The following POU2F1 variants were observed in gnomAD, a reference collection of about 807,000 sequenced individuals.
POU2F1 encodes POU class 2 homeobox 1, also known as POU domain, class 2, transcription factor 1.
A neutral mutation model predicts 84.9 loss-of-function variants in POU2F1; 16 were observed. The observed-to-expected ratio is 0.19, with a 90% confidence interval of 0.13 to 0.29. POU2F1 has a LOEUF of 0.29. POU2F1 is among the 10% of genes least tolerant of loss of function. The pLI is 1.00. For synonymous variants in POU2F1, 368 were observed against 368.3 expected (o/e 1.00, Z 0.01); for missense variants, 738 against 942.6 (o/e 0.78, Z 2.84).
chr1:167,341,760 C>T (rs180876784), intron 2 of POU2F1, among the ~76,000 whole-genome samples: 1 of 152,336 alleles, frequency 6.6e-6, no homozygotes, highest in East Asian at 1.9e-4. Context: ...CAGTGATCCT[C>T]TTGGTACCCA....
At position 167,319,750 on chromosome 1, in the gene POU2F1, G is replaced by T. The variant is rs547000542; in HGVS notation, c.62-12720G>T. Reference sequence around the variant, plus strand: ...AGTGAGAAAATGTATCTACACATACGTGCACATAAGCTAGTCTCCCAAACG... The same window carrying T: ...AGTGAGAAAATGTATCTACACATACTTGCACATAAGCTAGTCTCCCAAACG... On this transcript the variant is annotated intron_variant, in intron 1 of 15. Transcript: ENST00000367866. 6.6e-5 allele frequency among the ~76,000 whole-genome samples: 10 copies of T among 152,034 alleles called. No homozygotes were observed. In the East Asian group the frequency reaches 7.8e-4, roughly 12 times the overall value.
intron 1 of POU2F1, among the ~76,000 whole-genome samples, chr1:167,321,618 A>T (rs1656316847): frequency 1.3e-5 from 2 of 152,160 alleles, no homozygotes; most frequent in African/African-American, 4.8e-5. Context: ...TAAAGCCTCC[A>T]GTTTCTCTTT....
intron 1 of POU2F1, among the ~76,000 whole-genome samples, chr1:167,323,159 A>G (rs180873781): frequency 2.0e-5 from 3 of 152,364 alleles, no homozygotes; most frequent in East Asian, 3.9e-4. Context: ...GATTGAAATC[A>G]GTGACTTGGC....
chr1:167,339,653 T>G (rs1366488932), intron 2 of POU2F1, among the ~76,000 whole-genome samples: 2 of 152,236 alleles, frequency 1.3e-5, no homozygotes, highest in Non-Finnish European at 2.9e-5. Context: ...CACAGTACTT[T>G]CTAGTGTTAT....
At chr1:167,233,198 C>A (rs965020636) in intron 1 of POU2F1, among the ~76,000 whole-genome samples, 1 of 149,918 alleles carries the variant, frequency 6.7e-6, no homozygotes, top group Non-Finnish European at 1.5e-5. Context: ...TGCAGTGGTG[C>A]AGTCACAGCT....
chr1:167,264,824 G>A (rs561607746), intron 1 of POU2F1, among the ~76,000 whole-genome samples: 39 of 152,146 alleles, frequency 2.6e-4, no homozygotes, highest in African/African-American at 8.9e-4. Context: ...AAATGTTAGA[G>A]CATGTCTCTC....
At chr1:167,238,484 G>A (rs912923582) in intron 1 of POU2F1, among the ~76,000 whole-genome samples, 1 of 152,082 alleles carries the variant, frequency 6.6e-6, no homozygotes, top group Non-Finnish European at 1.5e-5. Context: ...AGGACCCTAT[G>A]TAATGTAATA....
At chr1:167,295,611 A>C (rs1654240613) in intron 1 of POU2F1, among the ~76,000 whole-genome samples, 1 of 152,220 alleles carries the variant, frequency 6.6e-6, no homozygotes, top group Non-Finnish European at 1.5e-5. Flanking sequence ...CTCAGAATTC[A>C]CCACTATATA....
chr1:167,291,081 G>A (rs1653894353), intron 1 of POU2F1, among the ~76,000 whole-genome samples: 1 of 149,126 alleles, frequency 6.7e-6, no homozygotes, highest in Non-Finnish European at 1.5e-5. Context: ...TCATAAAATT[G>A]TTGGAAAATA....
At chr1:167,320,885 T>C (rs941456868) in intron 1 of POU2F1, among the ~76,000 whole-genome samples, 8 of 152,332 alleles carry the variant, frequency 5.3e-5, no homozygotes, top group Admixed American at 5.2e-4. Flanking sequence ...GAAAATAGAT[T>C]ACTCATGGCA....
chr1:167,308,321 C>T (rs751672082), intron 1 of POU2F1, among the ~76,000 whole-genome samples: 3 of 152,130 alleles, frequency 2.0e-5, no homozygotes, highest in Non-Finnish European at 4.4e-5. Context: ...CCTGCCTCGG[C>T]CTCCCAAAGT....
chr1:167,375,271 A>G (rs982911012), intron 6 of POU2F1, among the ~76,000 whole-genome samples: 3 of 152,320 alleles, frequency 2.0e-5, no homozygotes, highest in Admixed American at 1.3e-4. Context: ...CTGTAAGAGT[A>G]GAGAATAAAT....
At chr1:167,308,955 C>T (rs1183196670) in intron 1 of POU2F1, among the ~76,000 whole-genome samples, 1 of 152,184 alleles carries the variant, frequency 6.6e-6, no homozygotes, top group Non-Finnish European at 1.5e-5. Context: ...TGTATGGACT[C>T]ATGAATTCCT....
intron 1 of POU2F1, among the ~76,000 whole-genome samples, chr1:167,268,491 G>A (rs1652139692): frequency 6.6e-6 from 1 of 152,122 alleles, no homozygotes; most frequent in South Asian, 2.1e-4. Flanking sequence ...GGGGAAAGGA[G>A]ACCCTTTTGA....
intron 1 of POU2F1, among the ~76,000 whole-genome samples, chr1:167,250,649 T>A (rs1033967422): frequency 6.6e-6 from 1 of 152,204 alleles, no homozygotes; most frequent in Non-Finnish European, 1.5e-5. Context: ...TAGCCAAACC[T>A]TTAGTGGACC....
intron 1 of POU2F1, among the ~76,000 whole-genome samples, chr1:167,233,635 T>C (rs557496079): frequency 2.0e-5 from 3 of 152,296 alleles, no homozygotes; most frequent in Non-Finnish European, 4.4e-5. Context: ...TCTAATGACA[T>C]AGCATCGTTA....
At chr1:167,394,397 T>C (rs1648656241) in intron 9 of POU2F1, among the ~76,000 whole-genome samples, 1 of 152,212 alleles carries the variant, frequency 6.6e-6, no homozygotes, top group African/African-American at 2.4e-5. Context: ...TTTAGACATA[T>C]TTGTATACAG....
chr1:167,401,602 C>T (rs567914865), intron 13 of POU2F1, 46 bp downstream of exon 13: 15 of 1,340,966 alleles, frequency 1.1e-5, no homozygotes, highest in Admixed American at 6.9e-5. Context: ...ATGGGAGGCC[C>T]GTTTTGGGTT....
intron 2 of POU2F1, among the ~76,000 whole-genome samples, chr1:167,345,592 C>T (rs193160690): frequency 6.6e-6 from 1 of 152,264 alleles, no homozygotes; most frequent in Admixed American, 6.5e-5. Flanking sequence ...AGGCAGGAAG[C>T]TGCTACCGTT....
Sources: gnomAD v4.1 joint callset for allele counts (sites outside exome capture counted in the v4.1 genomes callset) on GRCh38, gnomAD v4.1.1 for gene constraint, MANE v1.5 for transcripts, NCBI Gene and HGNC (gene_info 2026-07-23, HGNC 2026-07-21) for gene names.